The following SFMBT2 variants were observed in gnomAD, a reference collection of about 807,000 sequenced individuals.
SFMBT2 encodes Scm like with four mbt domains 2, also known as scm-like with four MBT domains protein 2.
Under a neutral mutation model 110.1 loss-of-function variants are expected in SFMBT2, and 38 were observed. The observed-to-expected ratio is 0.35, with a 90% confidence interval of 0.27 to 0.45. SFMBT2 has a LOEUF of 0.45. Among genes scored for constraint, SFMBT2 ranks in the 20% least tolerant of loss-of-function variants. The pLI is 1.00. For missense variants in SFMBT2, 1,011 were observed against 1,094.9 expected (o/e 0.92, Z 1.08); for synonymous variants, 425 against 425.4 (o/e 1.00, Z 0.01).
At chr10:7,241,212 A>G (rs1840421039) in intron 9 of SFMBT2, 8 of 473,214 alleles carry the variant, frequency 1.7e-5, no homozygotes, top group Non-Finnish European at 2.2e-5. Context: ...GCCGTGTGGA[A>G]CTGTAAGTCC....
intron 10 of SFMBT2, among the ~76,000 whole-genome samples, chr10:7,224,199 A>G (rs1839835374): frequency 6.6e-6 from 1 of 152,156 alleles, no homozygotes; most frequent in Non-Finnish European, 1.5e-5. Flanking sequence ...AAAAGTGTCA[A>G]CTTTTCTATT....
intron 1 of SFMBT2, among the ~76,000 whole-genome samples, chr10:7,401,996 A>G (rs1846094085): frequency 6.6e-6 from 1 of 152,072 alleles, no homozygotes; most frequent in Admixed American, 6.6e-5. Flanking sequence ...ACCAATTGGT[A>G]CCATTTATAT....
intron 4 of SFMBT2, among the ~76,000 whole-genome samples, chr10:7,325,943 A>G (rs994513518): frequency 4.6e-5 from 7 of 152,264 alleles, no homozygotes; most frequent in African/African-American, 1.7e-4. Context: ...AAAAGAAAAC[A>G]GTATTAAACT....
intron 1 of SFMBT2, among the ~76,000 whole-genome samples, chr10:7,402,424 G>A (rs76217675): frequency 0.023 from 3,455 of 152,196 alleles, 74 homozygotes; most frequent in Middle Eastern, 0.037. Context: ...GGGATTAGCC[G>A]GGGTCACACC....
At chr10:7,306,154 C>T (rs1842687759) in intron 4 of SFMBT2, among the ~76,000 whole-genome samples, 1 of 152,162 alleles carries the variant, frequency 6.6e-6, no homozygotes, top group Admixed American at 6.5e-5. Flanking sequence ...ATTAACCATG[C>T]CCCAGTCAAT....
rs41290253 is a variant in SFMBT2, at chr10:7,163,468, G to A, written c.*302C>T. On this transcript the variant is annotated 3_prime_UTR_variant, in exon 21 of 21. Transcript: ENST00000397167. The surrounding 1 kb of genome is among the most constrained non-coding windows in gnomAD (Gnocchi z 4.8). ...TCATCTGAGGAAACCCTGCTCCAAGGGAGCTGCCTGATTTGGGGCAGGAGA... is the reference window on the plus strand; with the variant it reads ...TCATCTGAGGAAACCCTGCTCCAAGAGAGCTGCCTGATTTGGGGCAGGAGA... The A allele has an allele frequency of 4.2e-3, 1,401 of 331,370 alleles. 5 individuals carry two copies. Among genetic ancestry groups the A allele is most frequent in the Non-Finnish European group, 5.0e-3 (888 of 179,016 alleles). The allele number at this position is 331,370 out of a possible 1,614,324, so 20.5% of individuals were successfully genotyped here.
intron 1 of SFMBT2, among the ~76,000 whole-genome samples, chr10:7,392,982 ATTAT>A (rs1845811269): frequency 1.1e-5 from 1 of 92,666 alleles, no homozygotes; most frequent in Non-Finnish European, 2.3e-5. Context: ...ATGTGGATAG[ATTAT>A]ATATATATAT....
At chr10:7,229,594 C>CAAAA (rs527488752) in intron 9 of SFMBT2, among the ~76,000 whole-genome samples, 1 of 116,488 alleles carries the variant, frequency 8.6e-6, no homozygotes, top group Non-Finnish European at 1.8e-5. Flanking sequence ...GACTCCATCT[C>CAAAA]AAAAAAAAAA....
At chr10:7,381,050 A>AAC (rs759457712) in intron 2 of SFMBT2, among the ~76,000 whole-genome samples, 113 of 149,958 alleles carry the variant, frequency 7.5e-4, no homozygotes, top group African/African-American at 2.3e-3. Flanking sequence ...CCTGTCTCAA[A>AAC]ACACACACAC....
intron 16 of SFMBT2, among the ~76,000 whole-genome samples, chr10:7,187,413 G>A (rs1464013233): frequency 6.6e-6 from 1 of 152,190 alleles, no homozygotes; most frequent in Non-Finnish European, 1.5e-5. Context: ...TGAGCTATAG[G>A]TGAAGCTCAC....
At chr10:7,307,258 T>G (rs1033727980) in intron 4 of SFMBT2, among the ~76,000 whole-genome samples, 2 of 152,184 alleles carry the variant, frequency 1.3e-5, no homozygotes, top group Non-Finnish European at 2.9e-5. Flanking sequence ...ATTATAAAGA[T>G]GTACATTTTC....
At chr10:7,229,113 G>A (rs2131678269) in intron 9 of SFMBT2, among the ~76,000 whole-genome samples, 1 of 152,156 alleles carries the variant, frequency 6.6e-6, no homozygotes, top group South Asian at 2.1e-4. Context: ...GCTCTCTGTT[G>A]GTGGAAATCT....
chr10:7,168,603 C>T (rs1275912480), intron 20 of SFMBT2, among the ~76,000 whole-genome samples: 1 of 152,234 alleles, frequency 6.6e-6, no homozygotes, highest in Non-Finnish European at 1.5e-5. Context: ...GCGCTTGTCA[C>T]GTATTTGAAT....
In SFMBT2 at chr10:7,170,783, G is replaced by A. The variant is rs941946832; in HGVS notation, c.2544+145C>T. 1 of 909,314 alleles carries A rather than the reference G, an allele frequency of 1.1e-6. No homozygotes were observed. Among genetic ancestry groups the A allele is most frequent in the Admixed American group, 2.1e-5 (1 of 46,936 alleles). 56.3% of individuals were successfully genotyped at this position (909,314 alleles called of 1,614,324 possible). A position where few individuals can be genotyped will look rare whatever the true frequency, so the allele number is the denominator to read the frequency against. ...CCAGGCAGCTCTCAGCAGGGGCCTT[G>A]GAGGGAGAAGGGTCTCGCACACCTG... is the stretch of plus-strand genomic sequence containing the variant. On this transcript the variant is annotated intron_variant, in intron 20 of 20. Coordinates refer to ENST00000397167, the MANE Select transcript of SFMBT2 (RefSeq NM_001387889.1). The surrounding 1 kb of genome is among the most constrained non-coding windows in gnomAD (Gnocchi z 4.6).
intron 11 of SFMBT2, chr10:7,214,759 C>G: frequency 1.0e-6 from 1 of 985,460 alleles, no homozygotes; most frequent in Non-Finnish European, 1.2e-6. Context: ...TAGCTTGATA[C>G]CTGTAGGGTG....
intron 4 of SFMBT2, among the ~76,000 whole-genome samples, chr10:7,296,592 A>G (rs1842413455): frequency 6.6e-6 from 1 of 152,246 alleles, no homozygotes; most frequent in Non-Finnish European, 1.5e-5. Flanking sequence ...GAAAGTTTAC[A>G]TTAACATGCC....
intron 9 of SFMBT2, 75 bp downstream of exon 9, chr10:7,243,483 T>C (rs2131719609): frequency 1.2e-6 from 1 of 834,010 alleles, no homozygotes. Flanking sequence ...CCCAGATTAA[T>C]GCAGGTGTTA....
chr10:7,404,710 TA>T (rs1846167936), intron 1 of SFMBT2, among the ~76,000 whole-genome samples: 1 of 152,240 alleles, frequency 6.6e-6, no homozygotes, highest in Non-Finnish European at 1.5e-5. Flanking sequence ...AATGGAAGCC[TA>T]GACGTGTCAT....
At chr10:7,223,969 T>C (rs1222447955) in intron 10 of SFMBT2, among the ~76,000 whole-genome samples, 3 of 152,190 alleles carry the variant, frequency 2.0e-5, no homozygotes, top group African/African-American at 7.2e-5. Flanking sequence ...AAAATACTTG[T>C]CTGCTCATTC....
Sources: allele counts gnomAD v4.1 joint callset (sites outside exome capture counted in the v4.1 genomes callset), GRCh38; gene constraint gnomAD v4.1.1; non-coding constraint Gnocchi (gnomAD v3.1); transcripts MANE v1.5; gene names NCBI Gene and HGNC (gene_info 2026-07-23, HGNC 2026-07-21).